Variants in JAKMIP3 observed in about 807,000 individuals in gnomAD.
JAKMIP3 encodes janus kinase and microtubule-interacting protein 3.
A neutral mutation model predicts 118.5 loss-of-function variants in JAKMIP3; 58 were observed. The observed-to-expected ratio is 0.49, with a 90% confidence interval of 0.40 to 0.61. JAKMIP3 has a LOEUF of 0.61. Ranked by LOEUF, JAKMIP3 falls within the 20% of genes least tolerant of loss-of-function variation. The pLI, the probability that JAKMIP3 is intolerant of heterozygous loss-of-function variation, is 0.00. For synonymous variants in JAKMIP3, 486 were observed against 451.2 expected, an observed-to-expected ratio of 1.08 and a Z score of -0.98; for missense variants, 950 against 1,109.0, an observed-to-expected ratio of 0.86 and a Z score of 2.04.
rs552262005 is a variant in JAKMIP3, at chr10:132,044,525, G to A, written c.-138+7787G>A. Among the ~76,000 whole-genome samples the A allele has an allele frequency of 6.6e-6, 1 of 152,260 alleles. No homozygotes were observed. Among genetic ancestry groups the A allele is most frequent in the East Asian group, 1.9e-4 (1 of 5,170 alleles). ...GGAGGGTGCGGCCGGTGCAGAGGAG[G>A]ATGCAGGAGGAGTGGGAGAAGCCAG... On this transcript the variant is annotated intron_variant, in intron 1 of 23. Transcript: ENST00000657785. The surrounding 1 kb of genome is among the most constrained non-coding windows in gnomAD (Gnocchi z 5.3).
chr10:132,149,571 T>TCCCTGCCCCCACCCCACCCC, intron 15 of JAKMIP3, 61 bp downstream of exon 15: 1 of 311,812 alleles, frequency 3.2e-6, no homozygotes, highest in South Asian at 4.3e-5. Context: ...CCCCACCCCC[T>TCCCTGCCCCCACCCCACCCC]CTCCGCCCCC....
intron 9 of JAKMIP3, among the ~76,000 whole-genome samples, chr10:132,139,369 C>T (rs549081379): frequency 0.052 from 4,031 of 76,870 alleles, 176 homozygotes; most frequent in East Asian, 0.25. Context: ...TGCGTCTGTA[C>T]GTGTGTGAGT....
chr10:132,101,856 G>A (rs896853354), intron 1 of JAKMIP3, among the ~76,000 whole-genome samples: 6 of 152,124 alleles, frequency 3.9e-5, no homozygotes, highest in Non-Finnish European at 5.9e-5. Context: ...TAGAGAACCC[G>A]AGGGCACAGG....
At chr10:132,066,086 G>A (rs2038720184) in intron 1 of JAKMIP3, among the ~76,000 whole-genome samples, 25 bp downstream of exon 1, 1 of 152,170 alleles carries the variant, frequency 6.6e-6, no homozygotes, top group South Asian at 2.1e-4. Flanking sequence ...TCTGACTGCT[G>A]CAGAGGCTTT....
rs538323358 is a variant in JAKMIP3, at chr10:132,140,432, G to A, written c.1345-19G>A. The A allele has an allele frequency of 2.6e-5, 42 of 1,613,344 alleles. No individual in the cohort carries two copies. The Admixed American group carries it at 3.2e-4, about 12-fold the overall frequency. On this transcript the variant is annotated intron_variant, in intron 9 of 23. Transcript: ENST00000684848. ...GCCTGGGTCTGGTTTGAACTGACAC[G>A]TCGCATTTTGGTCACAAGCCGGTGG...
rs1055929408 is a variant in JAKMIP3, at chr10:132,117,664, C to G, written c.633+90C>G. On this transcript the variant is annotated intron_variant, in intron 3 of 23. Coordinates refer to ENST00000684848, the MANE Select transcript of JAKMIP3 (RefSeq NM_001323087.2). This position sits in a 1 kb window ranked among gnomAD's most constrained non-coding sequence, Gnocchi z 8.6. ...GGGCGGGCGTGGGCGAGGGTGCAGG[C>G]GTGGGCTCGGGGAGCACGCGGGCAG... 2 of 1,248,716 alleles carry G rather than the reference C, an allele frequency of 1.6e-6. No homozygotes were observed. The highest frequency in any genetic ancestry group is 3.2e-5 in the African/African-American group (2 of 62,262). 77.4% of individuals were successfully genotyped at this position (1,248,716 alleles called of 1,614,324 possible).
At chr10:132,043,951 T>G (rs2037833668) in intron 1 of JAKMIP3, among the ~76,000 whole-genome samples, 1 of 152,260 alleles carries the variant, frequency 6.6e-6, no homozygotes, top group Admixed American at 6.5e-5. Context: ...AGATCTTTCC[T>G]CTTATCCTGC....
chr10:132,061,248 ACACACACCTGCCGTGATGGCGCG>A (rs1239703338), upstream of JAKMIP3, among the ~76,000 whole-genome samples: 4 of 148,936 alleles, frequency 2.7e-5, no homozygotes, highest in Admixed American at 6.7e-5. Flanking sequence ...GACGGCGCAC[ACACACACCTGCCGTGATGGCGCG>A]CACACACACC....
At chr10:132,147,587 C>A (rs923695656) in intron 13 of JAKMIP3, among the ~76,000 whole-genome samples, 2 of 152,256 alleles carry the variant, frequency 1.3e-5, no homozygotes, top group African/African-American at 4.8e-5. Context: ...CAGAGCCCCG[C>A]TAAGGCCCCC....
intron 23 of JAKMIP3, among the ~76,000 whole-genome samples, chr10:132,178,057 G>A (rs944126481): frequency 6.6e-6 from 1 of 152,254 alleles, no homozygotes; most frequent in Non-Finnish European, 1.5e-5. Context: ...ACCCGCTTCT[G>A]TGCACCCACT....
At chr10:132,108,130 C>T (rs2046206928) in intron 2 of JAKMIP3, among the ~76,000 whole-genome samples, 2 of 152,190 alleles carry the variant, frequency 1.3e-5, no homozygotes, top group Non-Finnish European at 2.9e-5. Context: ...CTGGCTTAGC[C>T]AAGGACTCTG....
At chr10:132,151,450 G>A (rs1404488573) in intron 16 of JAKMIP3, among the ~76,000 whole-genome samples, 1 of 152,224 alleles carries the variant, frequency 6.6e-6, no homozygotes, top group Non-Finnish European at 1.5e-5. Flanking sequence ...TCAGCAGGGA[G>A]GCTCTGGGTG....
intron 2 of JAKMIP3, among the ~76,000 whole-genome samples, chr10:132,111,677 G>C (rs1449702185): frequency 1.3e-5 from 2 of 152,210 alleles, no homozygotes. Context: ...CCACCATGGC[G>C]AGGCAAGGAG....
intron 16 of JAKMIP3, among the ~76,000 whole-genome samples, chr10:132,150,244 CA>C (rs1459766820): frequency 6.6e-6 from 1 of 151,964 alleles, no homozygotes; most frequent in Non-Finnish European, 1.5e-5. Flanking sequence ...CTGCTGTGCA[CA>C]CCTGGTTCTT....
chr10:132,080,411 G>A (rs1401166917), intron 1 of JAKMIP3, among the ~76,000 whole-genome samples: 1 of 150,434 alleles, frequency 6.6e-6, no homozygotes, highest in African/African-American at 2.5e-5. Flanking sequence ...GTGCTTATTG[G>A]CCATTTGTAT....
intron 1 of JAKMIP3, among the ~76,000 whole-genome samples, chr10:132,074,983 G>A (rs905105693): frequency 4.6e-5 from 7 of 152,120 alleles, no homozygotes; most frequent in African/African-American, 1.7e-4. Context: ...AGATCAGCTG[G>A]TTGTAGGTAA....
chr10:132,140,403 C>T (rs750460228), intron 9 of JAKMIP3, 48 bp from the exon 10 acceptor site: 1 of 1,609,150 alleles, frequency 6.2e-7, no homozygotes, highest in Admixed American at 1.7e-5. Context: ...GAGGAGGCGG[C>T]TGTGCCTGGG....
chr10:132,051,361 TG>T (rs963431590), intron 1 of JAKMIP3, among the ~76,000 whole-genome samples: 11 of 141,098 alleles, frequency 7.8e-5, no homozygotes, highest in African/African-American at 2.9e-4. Context: ...CTGTTCTGGT[TG>T]GGGGGTACCT....
intron 2 of JAKMIP3, among the ~76,000 whole-genome samples, chr10:132,114,179 A>G (rs889826586): frequency 2.0e-5 from 3 of 152,242 alleles, no homozygotes; most frequent in African/African-American, 7.2e-5. Flanking sequence ...CTGATGAGAA[A>G]CAAGGAATGG....
Sources: gnomAD v4.1 joint callset for allele counts (sites outside exome capture counted in the v4.1 genomes callset) on GRCh38, gnomAD v4.1.1 for gene constraint, Gnocchi (gnomAD v3.1) non-coding constraint, MANE v1.5 for transcripts, NCBI Gene and HGNC (gene_info 2026-07-23, HGNC 2026-07-21) for gene names.